AZIN2: variants seen among roughly 807,000 people sequenced by gnomAD.
AZIN2 encodes the protein antizyme inhibitor 2.
A neutral mutation model predicts 47.8 loss-of-function variants in AZIN2; 28 were observed. The ratio of observed to expected loss-of-function variants is 0.59; its 90% CI spans 0.43 to 0.80. The LOEUF (loss-of-function observed/expected upper bound fraction) is 0.80. AZIN2 is among the 30% of genes least tolerant of loss of function. The pLI is 0.00. For synonymous variants in AZIN2, 221 were observed against 239.4 expected (o/e 0.92, Z 0.71); for missense variants, 535 against 582.5 (o/e 0.92, Z 0.84).
intron 5 of AZIN2, among the ~76,000 whole-genome samples, chr1:33,089,128 A>C (rs1223524648): frequency 6.6e-6 from 1 of 152,128 alleles, no homozygotes; most frequent in Non-Finnish European, 1.5e-5. Flanking sequence ...GACAGTTAGA[A>C]TCCCATCTGT....
intron 10 of AZIN2, among the ~76,000 whole-genome samples, chr1:33,117,313 G>A (rs943368301): frequency 2.0e-5 from 3 of 152,138 alleles, no homozygotes; most frequent in Admixed American, 2.0e-4. Context: ...TGTGGGGCCT[G>A]GCATGGAGTG....
At chr1:33,093,112 G>T in intron 6 of AZIN2, 170 bp from the exon 7 acceptor site, 1 of 805,630 alleles carries the variant, frequency 1.2e-6, no homozygotes, top group Non-Finnish European at 1.9e-6. Flanking sequence ...TTAGAGAATG[G>T]ATTGGACAGG....
chr1:33,091,394 C>G (rs1431047909), intron 5 of AZIN2, among the ~76,000 whole-genome samples: 1 of 152,136 alleles, frequency 6.6e-6, no homozygotes, highest in Non-Finnish European at 1.5e-5. Context: ...CATGTACTAC[C>G]AAGCCTGGCT....
At chr1:33,085,712 T>C (rs1641816505) in intron 5 of AZIN2, among the ~76,000 whole-genome samples, 1 of 152,142 alleles carries the variant, frequency 6.6e-6, no homozygotes, top group South Asian at 2.1e-4. Context: ...CGAATGTTAA[T>C]GCCTTTCATG....
chr1:33,092,157 C>G lies in AZIN2; in HGVS notation c.387C>G (p.Ile129Met), dbSNP rs748093182. The change falls in exon 6 of 12, where the codon ATC becomes ATG. Residue 129 changes from isoleucine (I) to methionine (M), a missense_variant. Physicochemically the swap from Ile to Met is conservative, Grantham distance 10. Around this residue, in one of 3 missense-constraint regions of AZIN2, gnomAD observed 409 missense variants for 429.0 expected, o/e 0.95. Transcript: ENST00000294517. Reference protein sequence around the residue: ...AQIKYAAKHGIQLLSFDNEME... With the variant: ...AQIKYAAKHGMQLLSFDNEME... ...TCAAATATGCTGCCAAGCATGGGAT[C>G]CAGCTGCTGAGCTTTGACAATGAGA... is the stretch of plus-strand genomic sequence containing the variant. 4.3e-6 allele frequency: 7 copies of G among 1,614,058 alleles called. No individual in the cohort carries two copies. Among genetic ancestry groups the G allele is most frequent in the Non-Finnish European group, 5.9e-6 (7 of 1,180,032 alleles).
chr1:33,153,625 C>G, the AZIN2 span, among the ~76,000 whole-genome samples: 6 of 152,278 alleles, frequency 3.9e-5, 1 homozygote, highest in Middle Eastern at 6.8e-3. Flanking sequence ...GGGGTGATGG[C>G]AAGTTCCACA....
the AZIN2 span, among the ~76,000 whole-genome samples, chr1:33,135,188 G>T: frequency 6.6e-6 from 1 of 152,196 alleles, no homozygotes; most frequent in Non-Finnish European, 1.5e-5. Context: ...TATTTGGGAG[G>T]CTGAGACAGG....
At position 33,122,179 on chromosome 1, in the gene AZIN2, G is replaced by A. The variant is rs1335522803; in HGVS notation, c.*1997G>A. Among the ~76,000 whole-genome samples the A allele has an allele frequency of 6.6e-6, 1 of 152,152 alleles. No individual in the cohort carries two copies. The highest frequency in any genetic ancestry group is 1.9e-4 in the East Asian group (1 of 5,192). ...GGAGAGGGACATAGGTTTTCTGCTG[G>A]AACCAGGCATCTGCTGTGAAAAGCG... On this transcript the variant is annotated 3_prime_UTR_variant, in exon 12 of 12. Coordinates refer to ENST00000294517, the MANE Select transcript of AZIN2 (RefSeq NM_052998.4).
chr1:33,086,270 G>A (rs572296198), intron 5 of AZIN2, among the ~76,000 whole-genome samples: 4 of 152,084 alleles, frequency 2.6e-5, no homozygotes, highest in Non-Finnish European at 4.4e-5. Context: ...CACATTTAAC[G>A]TATAAGGAAA....
At chr1:33,145,961 G>A in the AZIN2 span, 1 of 470,250 alleles carries the variant, frequency 2.1e-6, no homozygotes, top group African/African-American at 2.0e-5. Flanking sequence ...TTTGGGAACT[G>A]AGTGAAGTGG....
At chr1:33,147,054 G>A in the AZIN2 span, 3 of 1,024,176 alleles carry the variant, frequency 2.9e-6, no homozygotes, top group Middle Eastern at 2.4e-4. The surrounding 1 kb of genome is among the most constrained non-coding windows in gnomAD (Gnocchi z 8.1). Flanking sequence ...AGGCTGGAGG[G>A]TAAACAACTG....
intron 11 of AZIN2, 187 bp from the exon 12 acceptor site, chr1:33,119,857 G>A: frequency 1.5e-6 from 1 of 653,840 alleles, no homozygotes; most frequent in Non-Finnish European, 2.6e-6. Context: ...TCTTTCCCTT[G>A]TTGAGGGGTG....
rs1308020899 is a variant in AZIN2 at position 33,098,092 on chromosome 1, C to T, written c.942C>T (p.Thr314=). The T allele has an allele frequency of 2.5e-6, 4 of 1,614,126 alleles. No homozygotes were observed. In the Admixed American group the frequency reaches 6.7e-5, roughly 27 times the overall value. Residue 314 remains threonine, a synonymous_variant, in exon 10 of 12, where the codon ACC becomes ACT. Coordinates refer to ENST00000294517, the MANE Select transcript of AZIN2 (RefSeq NM_052998.4). The stretch of plus-strand genomic sequence containing the variant: ...AGGAAAATGGTTCCACCTCCAAGAC[C>T]ATCGTGTACCACCTTGATGAGGGCG... ...REEENGSTSK[T]IVYHLDEGVY...
At chr1:33,112,204 G>T (rs1048668072) in intron 10 of AZIN2, among the ~76,000 whole-genome samples, 2 of 152,202 alleles carry the variant, frequency 1.3e-5, no homozygotes, top group African/African-American at 4.8e-5. Flanking sequence ...TGGGAAACAA[G>T]TAGGCATTAT....
chr1:33,117,866 C>G (rs1397110070), intron 10 of AZIN2, 36 bp from the exon 11 acceptor site: 2 of 1,611,192 alleles, frequency 1.2e-6, no homozygotes, highest in Non-Finnish European at 1.7e-6. Flanking sequence ...GTTGTATGCC[C>G]AGGAGAGCTG....
rs1020957255 is a variant in AZIN2 at position 33,086,831 on chromosome 1, C to T, written c.279+2704C>T. ...CCAGCCCAATCCCTTGCTCTCTTTTCGTGACCAAACTCAACCAAGTTGTCT... is the reference window on the plus strand; with the variant it reads ...CCAGCCCAATCCCTTGCTCTCTTTTTGTGACCAAACTCAACCAAGTTGTCT... On this transcript the variant is annotated intron_variant, in intron 5 of 11. Transcript: ENST00000294517. Among the ~76,000 whole-genome samples, 9 of 152,212 alleles carry T rather than the reference C, an allele frequency of 5.9e-5. No individual in the cohort carries two copies. The East Asian group carries it at 7.7e-4, about 13-fold the overall frequency.
intron 10 of AZIN2, chr1:33,101,804 G>C (rs1480163334): frequency 9.0e-6 from 7 of 776,468 alleles, no homozygotes; most frequent in African/African-American, 1.7e-5. Flanking sequence ...CATGTAACCT[G>C]TTTGGGCTTT....
At chr1:33,086,736 A>G (rs949239354) in intron 5 of AZIN2, among the ~76,000 whole-genome samples, 3 of 152,140 alleles carry the variant, frequency 2.0e-5, no homozygotes, top group Non-Finnish European at 2.9e-5. Context: ...TCCTGTCCCA[A>G]TCGCTTGCCC....
At chr1:33,110,453 T>C (rs571466432) in intron 10 of AZIN2, among the ~76,000 whole-genome samples, 1 of 152,320 alleles carries the variant, frequency 6.6e-6, no homozygotes, top group South Asian at 2.1e-4. Flanking sequence ...ATTGGAATTA[T>C]CAGGTGCTAA....
Sources: allele counts gnomAD v4.1 joint callset (sites outside exome capture counted in the v4.1 genomes callset), GRCh38; gene constraint gnomAD v4.1.1; regional missense constraint gnomAD v4.1.1; non-coding constraint Gnocchi (gnomAD v3.1); transcripts MANE v1.5; gene names NCBI Gene and HGNC (gene_info 2026-07-23, HGNC 2026-07-21).